The following PDE4D variants were observed in gnomAD, a reference collection of about 807,000 sequenced individuals.
PDE4D encodes the protein phosphodiesterase 4D.
In PDE4D, 24 loss-of-function variants were observed where a neutral mutation model predicts 87.4. The observed-to-expected ratio is 0.27, with a 90% CI of 0.20 to 0.39. PDE4D has a LOEUF of 0.39. PDE4D is among the 10% of genes least tolerant of loss of function. PDE4D has a pLI of 1.00. For missense variants in PDE4D, 714 were observed against 1,041.0 expected, an observed-to-expected ratio of 0.69 and a Z score of 4.32; for synonymous variants, 384 against 383.2, an observed-to-expected ratio of 1.00 and a Z score of -0.02.
intron 1 of PDE4D, among the ~76,000 whole-genome samples, chr5:59,848,772 T>C (rs1744252592): frequency 6.6e-6 from 1 of 152,046 alleles, no homozygotes; most frequent in Non-Finnish European, 1.5e-5. Flanking sequence ...AGCTGTAAAG[T>C]GTTCAAAAAC....
chr5:60,294,969 T>C (rs955491416), intron 1 of PDE4D, among the ~76,000 whole-genome samples: 4 of 152,090 alleles, frequency 2.6e-5, no homozygotes, highest in African/African-American at 9.7e-5. Context: ...ATATCCTAAA[T>C]TGTTATTGAG....
intron 1 of PDE4D, among the ~76,000 whole-genome samples, chr5:60,245,824 CA>C (rs66880909): frequency 0.53 from 80,227 of 151,112 alleles, 21,995 homozygotes; most frequent in African/African-American, 0.65. Context: ...TTAATGAGTA[CA>C]AAAAAAATAG....
At chr5:60,251,563 T>C (rs534326222) in intron 1 of PDE4D, among the ~76,000 whole-genome samples, 1 of 152,114 alleles carries the variant, frequency 6.6e-6, no homozygotes, top group African/African-American at 2.4e-5. Context: ...GGCTGCATAG[T>C]ATTCCATGGT....
chr5:59,629,591 C>T (rs1193560811), intron 1 of PDE4D, among the ~76,000 whole-genome samples: 1 of 152,160 alleles, frequency 6.6e-6, no homozygotes, highest in African/African-American at 2.4e-5. Flanking sequence ...ACCCTGCCAA[C>T]ACCTTGATCT....
At chr5:59,870,750 G>T (rs780720278) in intron 1 of PDE4D, among the ~76,000 whole-genome samples, 1 of 152,172 alleles carries the variant, frequency 6.6e-6, no homozygotes, top group Non-Finnish European at 1.5e-5. Flanking sequence ...AAGACAGGGA[G>T]ATTGTACTGA....
intron 1 of PDE4D, among the ~76,000 whole-genome samples, chr5:59,802,407 T>TTG (rs2152667357): frequency 6.7e-6 from 1 of 148,264 alleles, no homozygotes; most frequent in East Asian, 2.0e-4. Context: ...TTTTTTTTTT[T>TTG]TTTTTTTTTG....
At chr5:59,931,694 C>CTTTTTTTTTTTTTTTTT (rs35943138) in intron 3 of PDE4D, among the ~76,000 whole-genome samples, 1 of 126,596 alleles carries the variant, frequency 7.9e-6, no homozygotes, top group Non-Finnish European at 1.6e-5. Flanking sequence ...TCTTCTTCTT[C>CTTTTTTTTTTTTTTTTT]TTTTTTTTTT....
intron 1 of PDE4D, among the ~76,000 whole-genome samples, chr5:59,680,204 C>G (rs778006822): frequency 3.9e-5 from 6 of 152,004 alleles, no homozygotes; most frequent in Non-Finnish European, 7.4e-5. Flanking sequence ...ATATGAAGAG[C>G]CACAAACCCA....
intron 2 of PDE4D, among the ~76,000 whole-genome samples, chr5:60,126,286 T>C (rs1779118022): frequency 6.6e-6 from 1 of 152,038 alleles, no homozygotes; most frequent in Middle Eastern, 3.2e-3. Flanking sequence ...CCGAGGTCAT[T>C]AGCACAAGTC....
intron 2 of PDE4D, among the ~76,000 whole-genome samples, chr5:60,078,096 T>C (rs933665705): frequency 2.6e-5 from 4 of 152,184 alleles, no homozygotes; most frequent in African/African-American, 9.7e-5. Flanking sequence ...TAGTCGACCA[T>C]CTTGCCTCCT....
chr5:59,342,759 G>T (rs1778943760), intron 1 of PDE4D, among the ~76,000 whole-genome samples: 1 of 151,842 alleles, frequency 6.6e-6, no homozygotes. Flanking sequence ...AAAGTCAGAA[G>T]TAGTCTTCAT....
At chr5:59,308,954 G>A (rs565653588) in intron 1 of PDE4D, among the ~76,000 whole-genome samples, 102 of 152,146 alleles carry the variant, frequency 6.7e-4, no homozygotes, top group African/African-American at 2.3e-3. Flanking sequence ...AGATTCCCAG[G>A]TCACTGGAGT....
intron 1 of PDE4D, chr5:60,185,830 G>T: frequency 2.1e-5 from 6 of 282,398 alleles, no homozygotes; most frequent in Non-Finnish European, 2.7e-5. Flanking sequence ...CAATAAAAAA[G>T]TATACATAAG....
At chr5:60,088,407 T>G (rs1774762187) in intron 2 of PDE4D, among the ~76,000 whole-genome samples, 1 of 151,932 alleles carries the variant, frequency 6.6e-6, no homozygotes, top group African/African-American at 2.4e-5. Context: ...AGTAAACAAT[T>G]TATATCCTAA....
intron 2 of PDE4D, among the ~76,000 whole-genome samples, chr5:59,194,278 A>G (rs1195069451): frequency 6.6e-6 from 1 of 152,212 alleles, no homozygotes; most frequent in African/African-American, 2.4e-5. Flanking sequence ...TCTTAGCATG[A>G]ATAATTTGAG....
intron 1 of PDE4D, among the ~76,000 whole-genome samples, chr5:60,206,025 A>T (rs1208696132): frequency 1.3e-5 from 2 of 152,266 alleles, no homozygotes; most frequent in Admixed American, 6.5e-5. Context: ...GACATGGTAC[A>T]GTTCCACACA....
intron 2 of PDE4D, among the ~76,000 whole-genome samples, chr5:60,113,720 A>G (rs1213541205): frequency 6.6e-6 from 1 of 152,128 alleles, no homozygotes; most frequent in East Asian, 1.9e-4. Context: ...AGACCTTGCC[A>G]TAACAATCAG....
At chr5:59,916,276 T>A (rs1309104130) in intron 3 of PDE4D, among the ~76,000 whole-genome samples, 1 of 152,188 alleles carries the variant, frequency 6.6e-6, no homozygotes, top group Non-Finnish European at 1.5e-5. Context: ...GAAATACTAA[T>A]TAGCATTTTC....
At chr5:60,520,406 C>A (rs1750984458) in intron 1 of PDE4D, among the ~76,000 whole-genome samples, 1 of 152,214 alleles carries the variant, frequency 6.6e-6, no homozygotes, top group Non-Finnish European at 1.5e-5. Context: ...GGGAGTGAGA[C>A]TTCTGACATT....
Sources: gnomAD v4.1 joint callset for allele counts (sites outside exome capture counted in the v4.1 genomes callset) on GRCh38, gnomAD v4.1.1 for gene constraint, MANE v1.5 for transcripts, NCBI Gene and HGNC (gene_info 2026-07-23, HGNC 2026-07-21) for gene names.